The following GRXCR2 variants were observed in gnomAD, a reference collection of about 807,000 sequenced individuals.
GRXCR2 encodes glutaredoxin domain-containing cysteine-rich protein 2.
A neutral mutation model predicts 24.8 loss-of-function variants in GRXCR2; 23 were observed. The ratio of observed to expected loss-of-function variants is 0.93; its 90% CI spans 0.67 to 1.32. The LOEUF (loss-of-function observed/expected upper bound fraction) is 1.32. Ranked by LOEUF, GRXCR2 falls within the 40% of genes most tolerant of loss-of-function variation. The pLI, the probability that GRXCR2 is intolerant of heterozygous loss-of-function variation, is 0.00. For missense variants in GRXCR2, 315 were observed against 303.4 expected (o/e 1.04, Z -0.28); for synonymous variants, 130 against 116.1 (o/e 1.12, Z -0.77).
intron 2 of GRXCR2, among the ~76,000 whole-genome samples, chr5:145,905,666 C>T (rs772373600): frequency 2.6e-4 from 40 of 152,104 alleles, no homozygotes; most frequent in Middle Eastern, 6.8e-3. Flanking sequence ...GTTGCATGGA[C>T]GGGGTAGGAG....
At chr5:145,873,123 A>G (rs142513740), upstream of GRXCR2, 2,546 of 622,368 alleles carry the variant, frequency 4.1e-3, 11 homozygotes, top group Non-Finnish European at 6.0e-3. Flanking sequence ...ACACCCATAC[A>G]TTAAATATTG....
intron 1 of GRXCR2, among the ~76,000 whole-genome samples, chr5:145,868,436 A>T (rs765454831): frequency 6.6e-6 from 1 of 152,186 alleles, no homozygotes; most frequent in Non-Finnish European, 1.5e-5. Flanking sequence ...TTATTTATTA[A>T]GCCACAAGCT....
Position 145,872,731 on chromosome 5 carries a change from G to A in GRXCR2, c.238C>T (p.Leu80=), listed in dbSNP as rs765076675. The part of the protein sequence containing the change: ...VPRPQMCSPK[L]TAQRISVFRE... The stretch of plus-strand genomic sequence containing the variant: ...AACACACTGATCCTCTGAGCAGTCA[G>A]CTTAGGGGAGCACATCTGGGGCCTG... The change falls in exon 1 of 3, where the codon CTG becomes TTG. Residue 80 remains leucine, a synonymous_variant. Coordinates refer to ENST00000377976, the MANE Select transcript of GRXCR2 (RefSeq NM_001080516.2). The A allele has an allele frequency of 3.1e-6, 5 of 1,613,884 alleles. No homozygotes were observed. In the African/African-American group the frequency reaches 6.7e-5, roughly 22 times the overall value.
At chr5:145,895,208 C>T (rs538367813) in intron 2 of GRXCR2, among the ~76,000 whole-genome samples, 1 of 152,054 alleles carries the variant, frequency 6.6e-6, no homozygotes, top group South Asian at 2.1e-4. Context: ...GGAAGCATTC[C>T]CTTTGAAAAG....
chr5:145,923,594 C>T (rs140083812), intron 2 of GRXCR2, among the ~76,000 whole-genome samples: 1 of 152,238 alleles, frequency 6.6e-6, no homozygotes, highest in African/African-American at 2.4e-5. Context: ...TTGAGTGGTG[C>T]TAGTTGCTTA....
At chr5:145,891,971 T>G (rs1756871905) in intron 2 of GRXCR2, among the ~76,000 whole-genome samples, 1 of 152,128 alleles carries the variant, frequency 6.6e-6, no homozygotes, top group Non-Finnish European at 1.5e-5. Context: ...CATTTGCTGT[T>G]CACCAATATC....
At chr5:145,891,878 T>A (rs1425099124) in intron 2 of GRXCR2, among the ~76,000 whole-genome samples, 1 of 151,986 alleles carries the variant, frequency 6.6e-6, no homozygotes, top group Non-Finnish European at 1.5e-5. Flanking sequence ...CTGGGAGACA[T>A]CCCCCAGTAG....
intron 1 of GRXCR2, among the ~76,000 whole-genome samples, chr5:145,868,903 C>T (rs1003802299): frequency 2.6e-5 from 4 of 152,318 alleles, no homozygotes; most frequent in African/African-American, 7.2e-5. Flanking sequence ...TGAAAGTTCA[C>T]GTTACGTGGT....
chr5:145,918,989 C>T (rs1267654197), intron 2 of GRXCR2, among the ~76,000 whole-genome samples: 1 of 152,182 alleles, frequency 6.6e-6, no homozygotes, highest in Non-Finnish European at 1.5e-5. Context: ...GGACTCTGAG[C>T]TACTAAGTTT....
At chr5:145,911,721 C>G (rs1489763763) in intron 2 of GRXCR2, among the ~76,000 whole-genome samples, 1 of 152,146 alleles carries the variant, frequency 6.6e-6, no homozygotes, top group Non-Finnish European at 1.5e-5. Context: ...TCAGAAGGGA[C>G]ACATAGAATG....
At chr5:145,882,903 T>C (rs949520314) in intron 2 of GRXCR2, among the ~76,000 whole-genome samples, 33 of 151,918 alleles carry the variant, frequency 2.2e-4, no homozygotes, top group African/African-American at 8.0e-4. Context: ...ACCATCATTC[T>C]CAGCAAACTA....
intron 2 of GRXCR2, among the ~76,000 whole-genome samples, chr5:145,863,152 G>T (rs1004071580): frequency 6.6e-6 from 1 of 152,130 alleles, no homozygotes; most frequent in Non-Finnish European, 1.5e-5. Context: ...ACCTGGCCGG[G>T]CTTTCAGCCT....
chr5:145,877,214 G>A (rs1756631274), upstream of GRXCR2, among the ~76,000 whole-genome samples: 1 of 151,830 alleles, frequency 6.6e-6, no homozygotes, highest in African/African-American at 2.4e-5. Context: ...CAACTTAAAT[G>A]TTCAACAATA....
chr5:145,868,861 T>C (rs1410839698), intron 1 of GRXCR2, among the ~76,000 whole-genome samples: 1 of 152,226 alleles, frequency 6.6e-6, no homozygotes, highest in Admixed American at 6.5e-5. Flanking sequence ...GGCAAATTCT[T>C]CCTTGTGTCT....
intron 2 of GRXCR2, among the ~76,000 whole-genome samples, chr5:145,909,567 T>C (rs1303630763): frequency 6.6e-6 from 1 of 152,232 alleles, no homozygotes; most frequent in Non-Finnish European, 1.5e-5. Flanking sequence ...CCCTGTTTTA[T>C]ATTCTTTACA....
chr5:145,922,502 A>G (rs1479875846), intron 2 of GRXCR2, among the ~76,000 whole-genome samples: 1 of 152,202 alleles, frequency 6.6e-6, no homozygotes, highest in Non-Finnish European at 1.5e-5. Context: ...AGCTCCCTGA[A>G]GGTATTTCAG....
At chr5:145,888,336 A>T (rs1406091197) in intron 2 of GRXCR2, among the ~76,000 whole-genome samples, 1 of 152,192 alleles carries the variant, frequency 6.6e-6, no homozygotes, top group Non-Finnish European at 1.5e-5. Context: ...TACAGCAGCA[A>T]CCCAAACAAT....
chr5:145,858,042 G>A (rs1437194188), downstream of GRXCR2, among the ~76,000 whole-genome samples: 4 of 152,118 alleles, frequency 2.6e-5, no homozygotes, highest in African/African-American at 7.2e-5. Flanking sequence ...AGCCAGGCGC[G>A]GTGGCTCATG....
At chr5:145,858,183 A>C (rs4913043), downstream of GRXCR2, among the ~76,000 whole-genome samples, 1 of 151,708 alleles carries the variant, frequency 6.6e-6, no homozygotes, top group Admixed American at 6.6e-5. Flanking sequence ...GAGTGGTGGC[A>C]TGTGCCTGTG....
Sources: gnomAD v4.1 joint callset for allele counts (sites outside exome capture counted in the v4.1 genomes callset) on GRCh38, gnomAD v4.1.1 for gene constraint, MANE v1.5 for transcripts, NCBI Gene and HGNC (gene_info 2026-07-23, HGNC 2026-07-21) for gene names.